The following MACROD2 variants were observed in gnomAD, a reference collection of about 807,000 sequenced individuals.
MACROD2 encodes ADP-ribose glycohydrolase MACROD2.
A neutral mutation model predicts 70.4 loss-of-function variants in MACROD2; 36 were observed. That is an observed-to-expected ratio of 0.51 (90% CI 0.39 to 0.68). The LOEUF (loss-of-function observed/expected upper bound fraction) is 0.68. Among genes scored for constraint, MACROD2 ranks in the 30% least tolerant of loss-of-function variants. MACROD2 has a pLI of 0.00. For synonymous variants in MACROD2, 172 were observed against 178.8 expected, an observed-to-expected ratio of 0.96 and a Z score of 0.30; for missense variants, 496 against 538.4, an observed-to-expected ratio of 0.92 and a Z score of 0.78.
intron 4 of MACROD2, among the ~76,000 whole-genome samples, chr20:14,557,048 TAA>T (rs750477302): frequency 5.6e-4 from 85 of 152,018 alleles, no homozygotes; most frequent in Admixed American, 1.2e-3. Flanking sequence ...GGAATAGAAT[TAA>T]GAGTCCAGAA....
Position 15,600,253 on chromosome 20 carries a change from G to A in MACROD2, c.645+100406G>A, listed in dbSNP as rs564576336. On this transcript the variant is annotated intron_variant, in intron 8 of 17. Transcript: ENST00000684519. ...TGGCTTCCAGAAGTTCATTCTCACTGGTTTCAGCACTCATTCTACATTTGC... is the reference window on the plus strand; with the variant it reads ...TGGCTTCCAGAAGTTCATTCTCACTAGTTTCAGCACTCATTCTACATTTGC... Among the ~76,000 whole-genome samples, 13 of 151,846 alleles carry A rather than the reference G, an allele frequency of 8.6e-5. No homozygotes were observed. The East Asian group carries it at 2.5e-3, about 29-fold the overall frequency.
At chr20:14,401,992 T>C (rs2083642764) in intron 3 of MACROD2, among the ~76,000 whole-genome samples, 1 of 152,178 alleles carries the variant, frequency 6.6e-6, no homozygotes, top group Non-Finnish European at 1.5e-5. Flanking sequence ...TTTTCTGATA[T>C]ACTGCAGGCT....
At chr20:15,615,810 AG>A (rs2049029448) in intron 8 of MACROD2, among the ~76,000 whole-genome samples, 2 of 152,204 alleles carry the variant, frequency 1.3e-5, no homozygotes, top group South Asian at 4.2e-4. Flanking sequence ...GAAGGCAGGG[AG>A]GTACCTGTGA....
intron 7 of MACROD2, among the ~76,000 whole-genome samples, chr20:15,445,626 T>G (rs73272909): frequency 0.072 from 10,901 of 152,198 alleles, 446 homozygotes; most frequent in African/African-American, 0.11. Flanking sequence ...AGTTGCCACT[T>G]AGCTTACAGA....
intron 8 of MACROD2, among the ~76,000 whole-genome samples, chr20:15,794,083 A>C (rs924353094): frequency 2.6e-5 from 4 of 151,868 alleles, no homozygotes; most frequent in Non-Finnish European, 5.9e-5. Flanking sequence ...ATCCTTAAGG[A>C]AGACTCCTGG....
intron 9 of MACROD2, among the ~76,000 whole-genome samples, chr20:15,885,238 G>A (rs1303944801): frequency 6.6e-6 from 1 of 152,112 alleles, no homozygotes; most frequent in African/African-American, 2.4e-5. Flanking sequence ...AATGGGAGTG[G>A]TGCAATTGGT....
At chr20:14,915,347 A>G (rs1469961950) in intron 5 of MACROD2, among the ~76,000 whole-genome samples, 1 of 152,214 alleles carries the variant, frequency 6.6e-6, no homozygotes, top group Non-Finnish European at 1.5e-5. Flanking sequence ...ATGTGTCAAA[A>G]TGGAAACCCC....
chr20:15,603,504 CAAA>C (rs35734719), intron 8 of MACROD2, among the ~76,000 whole-genome samples: 7,093 of 97,960 alleles, frequency 0.072, 592 homozygotes, highest in African/African-American at 0.23. Flanking sequence ...TGAGACGTCT[CAAA>C]AAAAAAAAAA....
intron 7 of MACROD2, among the ~76,000 whole-genome samples, chr20:15,463,616 G>A (rs774850660): frequency 7.2e-5 from 11 of 152,046 alleles, no homozygotes; most frequent in Non-Finnish European, 1.5e-4. Flanking sequence ...GGGTGTGGTG[G>A]TGCAGGCCTG....
chr20:15,144,640 C>G (rs1278697383), intron 5 of MACROD2, among the ~76,000 whole-genome samples: 2 of 152,122 alleles, frequency 1.3e-5, no homozygotes. Flanking sequence ...TTCAACTTTG[C>G]ACTCTTTGTT....
At chr20:14,306,111 C>T (rs904400126) in intron 3 of MACROD2, among the ~76,000 whole-genome samples, 1 of 152,118 alleles carries the variant, frequency 6.6e-6, no homozygotes, top group South Asian at 2.1e-4. Context: ...CAAAAGTGCT[C>T]TGAAGTCAAT....
intron 3 of MACROD2, among the ~76,000 whole-genome samples, chr20:14,436,970 A>G (rs1293508385): frequency 6.6e-6 from 1 of 152,174 alleles, no homozygotes; most frequent in Non-Finnish European, 1.5e-5. Context: ...TATCCTGACA[A>G]TGAAGTGGAT....
intron 4 of MACROD2, among the ~76,000 whole-genome samples, chr20:14,665,169 T>C (rs2123545600): frequency 6.6e-6 from 1 of 152,250 alleles, no homozygotes; most frequent in Middle Eastern, 3.4e-3. Flanking sequence ...CAATGCTTAG[T>C]GGTACACAAC....
At chr20:14,477,137 GTAAGTAGCAT>G (rs2123060978) in intron 3 of MACROD2, among the ~76,000 whole-genome samples, 1 of 152,292 alleles carries the variant, frequency 6.6e-6, no homozygotes, top group Admixed American at 6.5e-5. Flanking sequence ...GAAGGGCCTG[GTAAGTAGCAT>G]TAGTTAAGCA....
At chr20:14,622,038 A>G (rs1213945860) in intron 4 of MACROD2, 2 of 152,194 alleles carry the variant, frequency 1.3e-5, no homozygotes, top group Non-Finnish European at 2.9e-5. Context: ...CAAAGAAGGT[A>G]AAATCTTTGG....
chr20:14,634,315 G>A (rs1253082306), intron 4 of MACROD2, among the ~76,000 whole-genome samples: 5 of 152,186 alleles, frequency 3.3e-5, no homozygotes. Context: ...ATGATGCCTT[G>A]TCCATTGTTA....
intron 2 of MACROD2, among the ~76,000 whole-genome samples, chr20:14,030,858 G>A (rs1246424733): frequency 3.3e-5 from 5 of 151,688 alleles, no homozygotes; most frequent in Non-Finnish European, 7.4e-5. Flanking sequence ...AGTTCAAATG[G>A]TCATTACCAG....
At chr20:14,218,293 T>G (rs1227931610) in intron 3 of MACROD2, among the ~76,000 whole-genome samples, 2 of 152,220 alleles carry the variant, frequency 1.3e-5, no homozygotes, top group East Asian at 3.8e-4. Context: ...TTAACTACTG[T>G]TGCTTTAAAG....
At chr20:14,973,775 G>A (rs879289025) in intron 5 of MACROD2, among the ~76,000 whole-genome samples, 23 of 152,044 alleles carry the variant, frequency 1.5e-4, no homozygotes, top group Non-Finnish European at 3.2e-4. Context: ...AGGTACTCTT[G>A]GAGTAACATA....
Sources: gnomAD v4.1 joint callset for allele counts (sites outside exome capture counted in the v4.1 genomes callset) on GRCh38, gnomAD v4.1.1 for gene constraint, MANE v1.5 for transcripts, NCBI Gene and HGNC (gene_info 2026-07-23, HGNC 2026-07-21) for gene names.